Variants in CFAP47 observed in about 807,000 individuals in gnomAD.
CFAP47 encodes cilia and flagella associated protein 47.
In CFAP47, 29 loss-of-function variants were observed where a neutral mutation model predicts 148.1. The observed-to-expected ratio is 0.20, with a 90% confidence interval of 0.15 to 0.27. CFAP47 has a LOEUF of 0.27. CFAP47 is among the 10% of genes least tolerant of loss of function. The probability of loss-of-function intolerance (pLI) is 1.00; values close to 1 mark genes in which losing one functional copy is unlikely to be tolerated. For synonymous variants in CFAP47, 664 were observed against 577.3 expected (o/e 1.15, Z -2.15); for missense variants, 1,872 against 1,697.5 (o/e 1.10, Z -1.81).
chrX:36,008,131 G>A (rs942551426), intron 21 of CFAP47, among the ~76,000 whole-genome samples: 2 of 111,091 alleles, frequency 1.8e-5, no homozygotes, highest in African/African-American at 3.3e-5. Flanking sequence ...AGTAACTGTC[G>A]ATTCAATTCA....
chrX:36,144,864 G>A, intron 35 of CFAP47: 1 of 991,508 alleles, frequency 1.0e-6, no homozygotes, highest in Non-Finnish European at 1.3e-6. Flanking sequence ...CCTCCTTTGG[G>A]CTTTCAGCCT....
chrX:36,361,277 A>T (rs1470532847), intron 60 of CFAP47, 53 bp from the exon 61 acceptor site: 1 of 697,259 alleles, frequency 1.4e-6, no homozygotes, highest in East Asian at 3.7e-5. Flanking sequence ...ATTGATATTA[A>T]ATCTATGCAT....
At chrX:36,201,749 T>G (rs1315766614) in intron 44 of CFAP47, among the ~76,000 whole-genome samples, 2 of 111,476 alleles carry the variant, frequency 1.8e-5, no homozygotes, top group Admixed American at 1.9e-4. Context: ...CACAGTAGTT[T>G]TCACTTCTGT....
intron 33 of CFAP47, among the ~76,000 whole-genome samples, chrX:36,108,850 T>G (rs1014042605): frequency 2.8e-5 from 3 of 108,023 alleles, no homozygotes; most frequent in Non-Finnish European, 5.8e-5. Flanking sequence ...GTTTGTTATA[T>G]AGGTAAACTC....
At chrX:36,144,655 T>G in intron 35 of CFAP47, 1 of 1,027,950 alleles carries the variant, frequency 9.7e-7, no homozygotes, top group Non-Finnish European at 1.3e-6. Flanking sequence ...ACCATCCGAT[T>G]GGCTGTGGCA....
intron 44 of CFAP47, among the ~76,000 whole-genome samples, chrX:36,204,247 T>G (rs782742843): frequency 2.2e-4 from 25 of 111,900 alleles, no homozygotes; most frequent in African/African-American, 7.8e-4. Flanking sequence ...AGAAGCTCTT[T>G]AGTTTCATTA....
intron 26 of CFAP47, 43 bp downstream of exon 26, chrX:36,047,106 G>C: frequency 1.2e-6 from 1 of 852,869 alleles, no homozygotes; most frequent in Non-Finnish European, 1.7e-6. Context: ...TGACATTAAA[G>C]AATAACATAT....
chrX:36,168,735 T>C (rs978487650), intron 39 of CFAP47, among the ~76,000 whole-genome samples: 5 of 112,083 alleles, frequency 4.5e-5, no homozygotes, highest in African/African-American at 1.6e-4. Flanking sequence ...CCCTCCTGCT[T>C]ATTTTAAATG....
chrX:36,283,077 A>G (rs781787811), intron 50 of CFAP47, among the ~76,000 whole-genome samples: 15 of 111,067 alleles, frequency 1.4e-4, no homozygotes, highest in Non-Finnish European at 1.9e-4. Flanking sequence ...TTATGTGTCT[A>G]TGTCTATATA....
At chrX:36,023,864 C>T (rs1409754913) in intron 22 of CFAP47, among the ~76,000 whole-genome samples, 1 of 111,880 alleles carries the variant, frequency 8.9e-6, no homozygotes, top group Non-Finnish European at 1.9e-5. Flanking sequence ...TAGTGGGCTC[C>T]CCCCGGCCCA....
At chrX:36,361,806 C>T (rs1477295532) in intron 61 of CFAP47, among the ~76,000 whole-genome samples, 2 of 111,763 alleles carry the variant, frequency 1.8e-5, no homozygotes, top group Non-Finnish European at 3.8e-5. Flanking sequence ...GCTGATTTAG[C>T]GTTGTGCAAT....
rs769080656 is a variant in CFAP47 at position 36,072,004 on chromosome X, A to G, written c.4465+33A>G. On this transcript the variant is annotated intron_variant, in intron 28 of 63. Transcript: ENST00000378653. ...GCAAATATATAGTGTACTTTCCAAA[A>G]TTAGTCCATGACATGATCTCCTTAA... 13 of 1,102,984 alleles carry G rather than the reference A, an allele frequency of 1.2e-5. No individual in the cohort carries two copies. In the South Asian group the frequency reaches 2.7e-4, roughly 23 times the overall value. The allele number at this position is 1,102,984 out of a possible 1,213,427, so 90.9% of individuals were successfully genotyped here. A position where few individuals can be genotyped will look rare whatever the true frequency, so the allele number is the denominator to read the frequency against.
intron 30 of CFAP47, among the ~76,000 whole-genome samples, chrX:36,095,923 C>G (rs762560708): frequency 9.0e-6 from 1 of 111,045 alleles, no homozygotes; most frequent in Admixed American, 9.6e-5. Flanking sequence ...TTGCTTTTCT[C>G]TTTCCTTAAG....
At chrX:36,013,148 A>C (rs1298546312) in intron 21 of CFAP47, among the ~76,000 whole-genome samples, 1 of 111,535 alleles carries the variant, frequency 9.0e-6, no homozygotes, top group Admixed American at 9.6e-5. Flanking sequence ...CAACCTTTTT[A>C]GTTTTGATAC....
intron 37 of CFAP47, among the ~76,000 whole-genome samples, chrX:36,156,276 T>C (rs1465696714): frequency 9.0e-6 from 1 of 111,111 alleles, no homozygotes; most frequent in African/African-American, 3.3e-5. Context: ...TATTTATGTG[T>C]GCCACATTCT....
At position 36,205,014 on chromosome X, in the gene CFAP47, A is replaced by G. The variant is rs1354561307; in HGVS notation, c.6721A>G (p.Thr2241Ala). 3.4e-6 allele frequency: 1 copy of G among 297,328 alleles called. No individual in the cohort carries two copies. Among genetic ancestry groups the G allele is most frequent in the Non-Finnish European group, 5.9e-6 (1 of 170,037 alleles). The allele number at this position is 297,328 out of a possible 1,213,427, so 24.5% of individuals were successfully genotyped here. A position where few individuals can be genotyped will look rare whatever the true frequency, so the allele number is the denominator to read the frequency against. The change falls in exon 45 of 64, where the codon ACA (threonine) becomes GCA (alanine). Residue 2241 changes from threonine to alanine, a missense_variant. Physicochemically the swap from Thr to Ala is moderately conservative, Grantham distance 58. Transcript: ENST00000378653. ...LRKPKTVSYT[T>A]EVSLPKYFYI... is the part of the protein sequence containing the mutation. ...GAAGCCTAAGACCGTTTCATACACA[A>G]CAGAAGTGAGCCTTCCAAAGTATTT...
intron 49 of CFAP47, among the ~76,000 whole-genome samples, chrX:36,256,687 G>C (rs1291470081): frequency 2.7e-5 from 3 of 111,617 alleles, no homozygotes; most frequent in African/African-American, 9.8e-5. Context: ...GATACTTCTA[G>C]GGATCCCTTT....
intron 49 of CFAP47, among the ~76,000 whole-genome samples, chrX:36,252,927 T>C (rs4072691): frequency 0.35 from 38,997 of 110,948 alleles, 7,589 homozygotes; most frequent in African/African-American, 0.75. Context: ...TTGTTGAATT[T>C]GGAATGTTTA....
chrX:35,967,235 A>G (rs1468332141), intron 9 of CFAP47, among the ~76,000 whole-genome samples: 2 of 110,699 alleles, frequency 1.8e-5, no homozygotes, highest in Non-Finnish European at 3.8e-5. Context: ...TTTATAATAT[A>G]AACTTTTTGA....
Sources: gnomAD v4.1 joint callset for allele counts (sites outside exome capture counted in the v4.1 genomes callset) on GRCh38, gnomAD v4.1.1 for gene constraint, MANE v1.5 for transcripts, NCBI Gene and HGNC (gene_info 2026-07-23, HGNC 2026-07-21) for gene names.